Variants in HABP2 observed in about 807,000 individuals in gnomAD.
The protein encoded by HABP2 is factor VII-activating protease.
Under a neutral mutation model 66.5 loss-of-function variants are expected in HABP2, and 65 were observed. The observed-to-expected ratio is 0.98, with a 90% confidence interval of 0.80 to 1.20. The LOEUF is 1.20. HABP2 is among the 50% of genes most tolerant of loss of function. HABP2 has a pLI of 0.00. For synonymous variants in HABP2, 263 were observed against 253.9 expected, an observed-to-expected ratio of 1.04 and a Z score of -0.34; for missense variants, 786 against 691.0, an observed-to-expected ratio of 1.14 and a Z score of -1.54.
chr10:113,587,609 A>G (rs1845672211), intron 12 of HABP2, among the ~76,000 whole-genome samples: 1 of 152,182 alleles, frequency 6.6e-6, no homozygotes, highest in African/African-American at 2.4e-5. Flanking sequence ...TTTGAGAGCT[A>G]TCACCCTCAA....
intron 1 of HABP2, 21 bp downstream of exon 1, chr10:113,553,211 T>C (rs1390003695): frequency 1.3e-6 from 2 of 1,575,624 alleles, no homozygotes; most frequent in Admixed American, 1.7e-5. Context: ...TTTTCTAATA[T>C]TTGTAGTTGA....
Position 113,588,329 on chromosome 10 carries a change from A to G in HABP2, c.1643A>G (p.Asn548Ser), listed in dbSNP as rs950349227. The change falls in exon 13 of 13, where the codon AAT (asparagine) becomes AGT (serine). Residue 548 changes from asparagine to serine, a missense_variant. Transcript: ENST00000351270. The stretch of plus-strand genomic sequence containing the variant: ...TACACCCAAGTTACCAAATTCCTGA[A>G]TTGGATCAAAGCCACCATCAAAAGT... Reference protein sequence around the residue: ...GVYTQVTKFLNWIKATIKSES... With the variant: ...GVYTQVTKFLSWIKATIKSES... 32 of 1,613,660 alleles carry G rather than the reference A, an allele frequency of 2.0e-5. No individual in the cohort carries two copies. The highest frequency in any genetic ancestry group is 2.7e-5 in the Non-Finnish European group (32 of 1,179,762).
In HABP2 at chr10:113,578,719, C is replaced by T; in HGVS notation, c.661C>T (p.His221Tyr). ...GCATGCGTGCCTTTACTGGAACTCC[C>T]ACCTCCTCTTGCAGGAGAATTACAA... ...NQHACLYWNSHLLLQENYNMF... is the reference protein window; with the variant it reads ...NQHACLYWNSYLLLQENYNMF... The change falls in exon 7 of 13, where the codon CAC (histidine) becomes TAC (tyrosine). Residue 221 changes from histidine (H) to tyrosine (Y), a missense_variant. Transcript: ENST00000351270. 2 of 1,609,550 alleles carry T rather than the reference C, an allele frequency of 1.2e-6. No homozygotes were observed. Among genetic ancestry groups the T allele is most frequent in the Non-Finnish European group, 1.7e-6 (2 of 1,175,864 alleles).
At chr10:113,560,504 C>G (rs1397334467) in intron 1 of HABP2, among the ~76,000 whole-genome samples, 2 of 152,138 alleles carry the variant, frequency 1.3e-5, no homozygotes. Context: ...TAGGACCCAG[C>G]AATTCCACAT....
In HABP2 at chr10:113,581,892, GGA is replaced by G; in HGVS notation, c.856_857del (p.Glu286LysfsTer4). 1 of 1,614,160 alleles carries G rather than the reference GGA, an allele frequency of 6.2e-7. No homozygotes were observed. Among genetic ancestry groups the G allele is most frequent in the Non-Finnish European group, 8.5e-7 (1 of 1,180,004 alleles). On this transcript the variant is annotated frameshift_variant, in exon 9 of 13. Coordinates refer to ENST00000351270, the MANE Select transcript of HABP2 (RefSeq NM_004132.5). LOFTEE classifies it high-confidence loss of function. ...GTCCCACAGACGTTGCCTACCCAGA[GGA>G]AAGCCCCACTGAGCCATCAACCAAG... ...CSAQDVAYPE[E>X]SPTEPSTKLP...
chr10:113,553,222 G>A, intron 1 of HABP2, 32 bp downstream of exon 1: 1 of 1,518,934 alleles, frequency 6.6e-7, no homozygotes. Context: ...TTGTAGTTGA[G>A]AGACTCCGAA....
intron 2 of HABP2, among the ~76,000 whole-genome samples, chr10:113,568,315 G>A (rs894219803): frequency 6.6e-6 from 1 of 152,234 alleles, no homozygotes; most frequent in African/African-American, 2.4e-5. Context: ...CACCCACAGA[G>A]CGCCATAGCC....
At chr10:113,569,251 T>TA (rs1845258032) in intron 2 of HABP2, among the ~76,000 whole-genome samples, 1 of 152,320 alleles carries the variant, frequency 6.6e-6, no homozygotes, top group South Asian at 2.1e-4. Context: ...GTTTGGTATA[T>TA]AAATGAAGGG....
At chr10:113,561,692 C>T (rs1158485707) in intron 1 of HABP2, among the ~76,000 whole-genome samples, 1 of 152,190 alleles carries the variant, frequency 6.6e-6, no homozygotes, top group Non-Finnish European at 1.5e-5. Flanking sequence ...AAATCTGGCC[C>T]TATCTCCCCC....
At chr10:113,588,133 C>G in intron 12 of HABP2, 72 bp from the exon 13 acceptor site, 2 of 1,326,818 alleles carry the variant, frequency 1.5e-6, no homozygotes, top group Non-Finnish European at 2.1e-6. Flanking sequence ...CTGACACCCC[C>G]TGGAGAGAGG....
chr10:113,555,291 A>T (rs1176224696), intron 1 of HABP2, among the ~76,000 whole-genome samples: 1 of 152,186 alleles, frequency 6.6e-6, no homozygotes, highest in Non-Finnish European at 1.5e-5. Flanking sequence ...GGCAGAGCTG[A>T]GCTCTGGATT....
chr10:113,561,415 AACTGTGCAC>A (rs1385554869), intron 1 of HABP2, among the ~76,000 whole-genome samples: 1 of 152,096 alleles, frequency 6.6e-6, no homozygotes, highest in Non-Finnish European at 1.5e-5. Context: ...GGCCCTGCTG[AACTGTGCAC>A]ACTTGTCCCT....
chr10:113,578,952 A>G (rs1333149650), intron 7 of HABP2, among the ~76,000 whole-genome samples, 154 bp downstream of exon 7: 5 of 152,142 alleles, frequency 3.3e-5, no homozygotes, highest in Non-Finnish European at 7.4e-5. Flanking sequence ...TCAGTGGCTC[A>G]AATACATCAA....
At chr10:113,559,616 C>T (rs549599710) in intron 1 of HABP2, among the ~76,000 whole-genome samples, 13 of 152,342 alleles carry the variant, frequency 8.5e-5, no homozygotes, top group African/African-American at 1.4e-4. Context: ...GACCCATGGA[C>T]GCCAAACCTC....
chr10:113,563,301 G>T (rs1411616220), intron 1 of HABP2, among the ~76,000 whole-genome samples: 1 of 152,168 alleles, frequency 6.6e-6, no homozygotes, highest in Non-Finnish European at 1.5e-5. Flanking sequence ...GGCAAATACT[G>T]TGTCCACCCT....
At chr10:113,577,929 G>T in intron 5 of HABP2, 97 bp from the exon 6 acceptor site, 1 of 1,439,076 alleles carries the variant, frequency 6.9e-7, no homozygotes, top group Non-Finnish European at 9.5e-7. Context: ...CGAAAGGATG[G>T]ACACCAGTAG....
upstream of HABP2, among the ~76,000 whole-genome samples, chr10:113,552,502 A>T (rs1412764697): frequency 6.6e-6 from 1 of 152,230 alleles, no homozygotes; most frequent in Non-Finnish European, 1.5e-5. Flanking sequence ...ATAATTAAAA[A>T]GTAAAAGTCT....
rs573283255 is a variant in HABP2 at position 113,563,967 on chromosome 10, G to A, written c.70-3522G>A. ...GGTGATGAGGGCGAGATTGAAGAAG[G>A]GGTAACCTTTGTCCTTGAAGTCTTA... On this transcript the variant is annotated intron_variant, in intron 1 of 12. Coordinates refer to ENST00000351270, the MANE Select transcript of HABP2 (RefSeq NM_004132.5). Among the ~76,000 whole-genome samples, 15 of 152,268 alleles carry A rather than the reference G, an allele frequency of 9.9e-5. No homozygotes were observed. In the South Asian group the frequency reaches 2.7e-3, roughly 27 times the overall value.
At chr10:113,556,756 T>C (rs1166865962) in intron 1 of HABP2, among the ~76,000 whole-genome samples, 1 of 150,410 alleles carries the variant, frequency 6.6e-6, no homozygotes, top group Non-Finnish European at 1.5e-5. Context: ...AAAAAGAAGC[T>C]TGAGTTTCCC....
Sources: gnomAD v4.1 joint callset for allele counts (sites outside exome capture counted in the v4.1 genomes callset) on GRCh38, gnomAD v4.1.1 for gene constraint, MANE v1.5 for transcripts, NCBI Gene and HGNC (gene_info 2026-07-23, HGNC 2026-07-21) for gene names.